LRRC7: variants seen among roughly 807,000 people sequenced by gnomAD.
LRRC7 encodes leucine rich repeat containing 7, also known as leucine-rich repeat-containing protein 7.
In LRRC7, 23 loss-of-function variants were observed where a neutral mutation model predicts 175.7. The observed-to-expected ratio is 0.13, with a 90% CI of 0.09 to 0.19. The LOEUF is 0.19. LRRC7 is among the 10% of genes least tolerant of loss of function. The pLI is 1.00. For missense variants in LRRC7, 1,354 were observed against 1,904.7 expected (o/e 0.71, Z 5.38); for synonymous variants, 685 against 680.9 (o/e 1.01, Z -0.09).
chr1:70,078,580 A>G (rs1470419541), intron 24 of LRRC7, among the ~76,000 whole-genome samples: 11 of 151,858 alleles, frequency 7.2e-5, no homozygotes, highest in Admixed American at 7.2e-4. Flanking sequence ...CCACTTCTTC[A>G]TTTAGCTTAG....
At chr1:69,754,073 G>A (rs1293099068) in intron 2 of LRRC7, among the ~76,000 whole-genome samples, 2 of 152,042 alleles carry the variant, frequency 1.3e-5, no homozygotes, top group African/African-American at 4.8e-5. Context: ...TGGCCAGGTT[G>A]TGCAATGGGG....
At chr1:69,801,823 ATT>A (rs946976763) in intron 4 of LRRC7, among the ~76,000 whole-genome samples, 1 of 100,794 alleles carries the variant, frequency 9.9e-6, no homozygotes, top group African/African-American at 3.8e-5. Flanking sequence ...TGACCTTTCT[ATT>A]TTTTTTTTTA....
intron 11 of LRRC7, among the ~76,000 whole-genome samples, chr1:70,010,113 C>T (rs1571000279): frequency 6.6e-6 from 1 of 152,182 alleles, no homozygotes; most frequent in Non-Finnish European, 1.5e-5. Flanking sequence ...CTGTGGTGTT[C>T]TGTATTTAAT....
intron 1 of LRRC7, among the ~76,000 whole-genome samples, chr1:69,637,443 G>T (rs1307328021): frequency 6.6e-6 from 1 of 151,830 alleles, no homozygotes; most frequent in African/African-American, 2.4e-5. Context: ...ATACAAGACT[G>T]CTAGTTAGAA....
intron 1 of LRRC7, among the ~76,000 whole-genome samples, chr1:69,650,539 C>CAAAAAAAAAAGAAAAAAAAAA (rs1655666898): frequency 1.3e-5 from 1 of 79,220 alleles, no homozygotes; most frequent in Non-Finnish European, 2.4e-5. Flanking sequence ...GACTCCGTCT[C>CAAAAAAAAAAGAAAAAAAAAA]AAAAAAAAAA....
At chr1:69,870,454 C>A (rs1685411492) in intron 7 of LRRC7, among the ~76,000 whole-genome samples, 1 of 151,910 alleles carries the variant, frequency 6.6e-6, no homozygotes, top group South Asian at 2.1e-4. Context: ...TAGATGGACT[C>A]CTTCTTTGAG....
At chr1:69,891,525 A>G (rs1645832503) in intron 7 of LRRC7, among the ~76,000 whole-genome samples, 1 of 152,206 alleles carries the variant, frequency 6.6e-6, no homozygotes, top group South Asian at 2.1e-4. Context: ...TGAGGCCTGG[A>G]GTTCAAGACC....
chr1:69,772,035 C>T (rs1047895241), intron 3 of LRRC7, among the ~76,000 whole-genome samples: 20 of 152,020 alleles, frequency 1.3e-4, no homozygotes, highest in African/African-American at 4.3e-4. Context: ...GCAGGAGAAT[C>T]GCTTGAACCC....
At chr1:69,838,333 G>C (rs756200434) in intron 7 of LRRC7, 50 bp downstream of exon 7, 1 of 1,380,538 alleles carries the variant, frequency 7.2e-7, no homozygotes. Context: ...TTTTTCACTA[G>C]TAAGAGAAAT....
chr1:69,779,555 C>G (rs547180511), intron 3 of LRRC7, among the ~76,000 whole-genome samples: 27 of 152,182 alleles, frequency 1.8e-4, no homozygotes, highest in Middle Eastern at 6.8e-3. Context: ...AGCTGTTATT[C>G]CAATAAAACA....
chr1:69,729,934 G>A (rs543986438), intron 2 of LRRC7, among the ~76,000 whole-genome samples: 10 of 152,296 alleles, frequency 6.6e-5, no homozygotes, highest in East Asian at 5.8e-4. Flanking sequence ...AAATCTAAGC[G>A]GAGGTTCCCA....
chr1:70,089,784 A>C lies in LRRC7; in HGVS notation c.4510A>C (p.Ser1504Arg). Residue 1504 changes from serine (S) to arginine (R), a missense_variant, in exon 25 of 27, where the codon AGT becomes CGT. Around this residue, in one of 4 missense-constraint regions of LRRC7, gnomAD observed 53 missense variants for 112.6 expected, o/e 0.47. Coordinates refer to ENST00000651989, the MANE Select transcript of LRRC7 (RefSeq NM_001370785.2). ...TGGATTTAGTATCAGTGGTGGAATTAGTGGACAAGGAAATCCATTCAAACC... is the reference window on the plus strand; with the variant it reads ...TGGATTTAGTATCAGTGGTGGAATTCGTGGACAAGGAAATCCATTCAAACC... The part of the protein sequence containing the change: ...GLGFSISGGI[S>R]GQGNPFKPSD... The C allele has an allele frequency of 6.2e-7, 1 of 1,610,124 alleles. No individual in the cohort carries two copies. The highest frequency in any genetic ancestry group is 1.7e-5 in the Admixed American group (1 of 59,716).
At chr1:69,660,619 A>G (rs1657319478) in intron 1 of LRRC7, among the ~76,000 whole-genome samples, 1 of 152,116 alleles carries the variant, frequency 6.6e-6, no homozygotes, top group African/African-American at 2.4e-5. Flanking sequence ...GTAACATTTG[A>G]ATAAGGACTT....
intron 23 of LRRC7, among the ~76,000 whole-genome samples, chr1:70,067,885 A>G (rs2102104642): frequency 6.6e-6 from 1 of 152,178 alleles, no homozygotes; most frequent in South Asian, 2.1e-4. Flanking sequence ...TATACATGGT[A>G]TTGCATTTTA....
intron 7 of LRRC7, among the ~76,000 whole-genome samples, chr1:69,886,306 T>C (rs1687190565): frequency 1.3e-5 from 2 of 151,522 alleles, no homozygotes; most frequent in African/African-American, 2.4e-5. Flanking sequence ...TGCTCCTGTA[T>C]TGGGTGCATA....
chr1:69,827,005 G>A (rs2101256878), intron 5 of LRRC7, among the ~76,000 whole-genome samples: 1 of 152,054 alleles, frequency 6.6e-6, no homozygotes, highest in South Asian at 2.1e-4. Flanking sequence ...GCCTTTTGTA[G>A]GAAATGTAAA....
At chr1:69,919,469 G>C in intron 7 of LRRC7, 2 of 994,478 alleles carry the variant, frequency 2.0e-6, no homozygotes, top group Non-Finnish European at 3.1e-6. Flanking sequence ...GAGCGGCCCA[G>C]CGGGAACAGC....
At chr1:70,059,100 T>C (rs903381192) in intron 23 of LRRC7, among the ~76,000 whole-genome samples, 3 of 152,188 alleles carry the variant, frequency 2.0e-5, no homozygotes, top group Non-Finnish European at 1.5e-5. Flanking sequence ...TATAAAATCC[T>C]AGCATTTTAA....
chr1:69,904,013 T>A (rs548908755), intron 7 of LRRC7, among the ~76,000 whole-genome samples: 1 of 152,118 alleles, frequency 6.6e-6, no homozygotes, highest in Non-Finnish European at 1.5e-5. Context: ...CAATAATTAA[T>A]AGCCTACCAA....
Sources: gnomAD v4.1 joint callset for allele counts (sites outside exome capture counted in the v4.1 genomes callset) on GRCh38, gnomAD v4.1.1 for gene constraint, gnomAD v4.1.1 regional missense constraint, MANE v1.5 for transcripts, NCBI Gene and HGNC (gene_info 2026-07-23, HGNC 2026-07-21) for gene names.